The following TUT4 variants were observed in gnomAD, a reference collection of about 807,000 sequenced individuals.
TUT4 encodes terminal uridylyltransferase 4.
TUT4 carries 36 observed loss-of-function variants against 192.2 expected under a neutral mutation model. The observed-to-expected ratio is 0.19, with a 90% CI of 0.14 to 0.25. TUT4 has a LOEUF of 0.25. Ranked by LOEUF, TUT4 falls within the 10% of genes least tolerant of loss-of-function variation. TUT4 has a pLI of 1.00. For synonymous variants in TUT4, 618 were observed against 666.0 expected (o/e 0.93, Z 1.11); for missense variants, 1,493 against 1,957.2 (o/e 0.76, Z 4.47).
At chr1:52,498,523 C>T (rs1475406512) in intron 4 of TUT4, among the ~76,000 whole-genome samples, 2 of 151,890 alleles carry the variant, frequency 1.3e-5, no homozygotes, top group Non-Finnish European at 2.9e-5. Context: ...GGATTACAGG[C>T]GTGAGCCACA....
intron 5 of TUT4, among the ~76,000 whole-genome samples, chr1:52,495,994 G>A (rs1570949906): frequency 6.6e-6 from 1 of 151,942 alleles, no homozygotes; most frequent in East Asian, 1.9e-4. Flanking sequence ...CCAAAACACT[G>A]TGGTTCTCAA....
Position 52,525,981 on chromosome 1 carries a change from T to C in TUT4, c.300A>G (p.Lys100=). Residue 100 remains lysine, a synonymous_variant, in exon 2 of 30, where the codon AAA becomes AAG. Coordinates refer to ENST00000257177, the MANE Select transcript of TUT4 (RefSeq NM_001009881.3). ...CGGCTTTCACCGGTGAATTAGGAAA[T>C]TTTTTTGCTTTGCAATGACTTTGAT... ...LRDQSHCKAK[K]FPNSPVKAEK... 6.2e-7 allele frequency: 1 copy of C among 1,613,186 alleles called. No individual in the cohort carries two copies. Among genetic ancestry groups the C allele is most frequent in the Non-Finnish European group, 8.5e-7 (1 of 1,179,402 alleles).
At chr1:52,468,792 CTAATT>C (rs1179355273) in intron 14 of TUT4, among the ~76,000 whole-genome samples, 6 of 152,148 alleles carry the variant, frequency 3.9e-5, no homozygotes, top group African/African-American at 1.2e-4. Context: ...AGTCTGGTAC[CTAATT>C]TATTTTGTCC....
chr1:52,543,608 T>C (rs1010509252), intron 1 of TUT4, among the ~76,000 whole-genome samples: 1 of 151,534 alleles, frequency 6.6e-6, no homozygotes, highest in Non-Finnish European at 1.5e-5. Flanking sequence ...CTCAGCCTCC[T>C]GAGTAGCTGG....
At chr1:52,474,715 T>C (rs1202278833) in intron 13 of TUT4, 117 bp downstream of exon 13, 6 of 871,994 alleles carry the variant, frequency 6.9e-6, no homozygotes, top group Non-Finnish European at 8.4e-6. Context: ...TACCAAAATA[T>C]CATTCCAAAA....
chr1:52,503,239 T>C (rs976661259), intron 4 of TUT4, among the ~76,000 whole-genome samples: 1 of 152,164 alleles, frequency 6.6e-6, no homozygotes, highest in African/African-American at 2.4e-5. Flanking sequence ...ATATGCCAGG[T>C]ACTGTGCTAA....
At chr1:52,425,223 A>G (rs1649447982) in intron 29 of TUT4, 126 bp downstream of exon 29, 2 of 1,210,430 alleles carry the variant, frequency 1.7e-6, no homozygotes, top group South Asian at 1.6e-5. Flanking sequence ...GACACACAGT[A>G]TAATTTCTCA....
chr1:52,480,080 C>T (rs1668126626), intron 11 of TUT4, among the ~76,000 whole-genome samples: 1 of 150,510 alleles, frequency 6.6e-6, no homozygotes, highest in South Asian at 2.1e-4. Flanking sequence ...TTATGGTGGT[C>T]AGGAGAGAGG....
chr1:52,455,485 C>T (rs1307084003), intron 20 of TUT4, among the ~76,000 whole-genome samples: 1 of 150,822 alleles, frequency 6.6e-6, no homozygotes, highest in African/African-American at 2.4e-5. Flanking sequence ...GGTGTGCACC[C>T]GTAGTCCCAG....
chr1:52,429,512 T>C (rs922178732), intron 28 of TUT4, among the ~76,000 whole-genome samples: 13 of 151,430 alleles, frequency 8.6e-5, no homozygotes, highest in Non-Finnish European at 5.9e-5. Flanking sequence ...GGCCTGTGAA[T>C]AGCCACTGCA....
chr1:52,487,552 A>G (rs1570851227), intron 9 of TUT4, among the ~76,000 whole-genome samples: 1 of 152,182 alleles, frequency 6.6e-6, no homozygotes, highest in East Asian at 1.9e-4. Context: ...GATAAATGAG[A>G]GGAAGTAGTC....
intron 9 of TUT4, among the ~76,000 whole-genome samples, chr1:52,485,717 G>C (rs1295763539): frequency 6.6e-6 from 1 of 151,756 alleles, no homozygotes; most frequent in Admixed American, 6.6e-5. Context: ...TAAATTATGT[G>C]AACAGACTTC....
At chr1:52,439,328 A>T (rs1178511626) in intron 24 of TUT4, among the ~76,000 whole-genome samples, 1 of 152,246 alleles carries the variant, frequency 6.6e-6, no homozygotes, top group Non-Finnish European at 1.5e-5. Flanking sequence ...AAGAACATGT[A>T]ACATGTATTA....
chr1:52,464,191 A>AT (rs1324805163), intron 16 of TUT4, among the ~76,000 whole-genome samples: 1 of 152,160 alleles, frequency 6.6e-6, no homozygotes, highest in Non-Finnish European at 1.5e-5. Context: ...GAACTCAATA[A>AT]ATGTTAGTTC....
intron 28 of TUT4, 32 bp downstream of exon 28, chr1:52,430,981 T>C: frequency 6.6e-7 from 1 of 1,525,512 alleles, no homozygotes. Context: ...AGAAAAGACA[T>C]GCAGATAAAA....
rs1361302095 is a variant in TUT4 at position 52,521,129 on chromosome 1, T to C, written c.718+4434A>G. On this transcript the variant is annotated intron_variant, in intron 2 of 29. Transcript: ENST00000257177. ...ATATTTTTCTTATTTATTGTGTTTG[T>C]TATCTGTTTCATCCCACTAGAAGAT... 2.6e-5 allele frequency among the ~76,000 whole-genome samples: 4 copies of C among 152,166 alleles called. No individual in the cohort carries two copies. In the South Asian group the frequency reaches 6.2e-4, roughly 24 times the overall value.
chr1:52,452,307 T>C (rs537615918), intron 20 of TUT4, among the ~76,000 whole-genome samples: 1 of 152,318 alleles, frequency 6.6e-6, no homozygotes, highest in African/African-American at 2.4e-5. Context: ...GATGTTATAA[T>C]TGGCCTCCAA....
chr1:52,490,552 A>G (rs1670900644), intron 8 of TUT4, among the ~76,000 whole-genome samples, 180 bp downstream of exon 8: 1 of 152,060 alleles, frequency 6.6e-6, no homozygotes. Context: ...CTGATGTTCT[A>G]TATATTTCTT....
At chr1:52,528,054 G>A (rs1682297810) in intron 1 of TUT4, among the ~76,000 whole-genome samples, 1 of 151,560 alleles carries the variant, frequency 6.6e-6, no homozygotes, top group African/African-American at 2.4e-5. Flanking sequence ...GTGGGCGCCT[G>A]TAAAATCCTA....
Sources: allele counts gnomAD v4.1 joint callset (sites outside exome capture counted in the v4.1 genomes callset), GRCh38; gene constraint gnomAD v4.1.1; transcripts MANE v1.5; gene names NCBI Gene and HGNC (gene_info 2026-07-23, HGNC 2026-07-21).